The following ZNF564 variants were observed in gnomAD, a reference collection of about 807,000 sequenced individuals.
ZNF564 encodes zinc finger protein 564.
A neutral mutation model predicts 10.5 loss-of-function variants in ZNF564; 5 were observed. The ratio of observed to expected loss-of-function variants is 0.48; its 90% confidence interval spans 0.25 to 1.00. The LOEUF is 1.00. Ranked by LOEUF, ZNF564 falls within the 50% of genes least tolerant of loss-of-function variation. The pLI, the probability that ZNF564 is intolerant of heterozygous loss-of-function variation, is 0.16. For synonymous variants in ZNF564, 242 were observed against 218.1 expected (o/e 1.11, Z -0.97); for missense variants, 603 against 669.7 (o/e 0.90, Z 1.10).
At chr19:12,539,240 CAA>C (rs760536256) in intron 1 of ZNF564, among the ~76,000 whole-genome samples, 17 of 52,080 alleles carry the variant, frequency 3.3e-4, no homozygotes, top group Non-Finnish European at 3.4e-4. Flanking sequence ...GACTCCATCT[CAA>C]AAAAAAAAAA....
At chr19:12,531,964 G>A (rs2021809238) in intron 1 of ZNF564, among the ~76,000 whole-genome samples, 2 of 152,032 alleles carry the variant, frequency 1.3e-5, no homozygotes, top group Admixed American at 6.6e-5. Context: ...AAAAGTAAAG[G>A]GATAGGGAAA....
chr19:12,549,404 C>T (rs1352534516), intron 1 of ZNF564, among the ~76,000 whole-genome samples: 1 of 152,176 alleles, frequency 6.6e-6, no homozygotes, highest in Admixed American at 6.5e-5. Flanking sequence ...TCACTGAGTG[C>T]TCAGTGACCA....
intron 1 of ZNF564, among the ~76,000 whole-genome samples, 176 bp from the exon 2 acceptor site, chr19:12,528,872 C>G (rs755232063): frequency 6.6e-6 from 1 of 152,036 alleles, no homozygotes; most frequent in African/African-American, 2.4e-5. Context: ...GAGGCCAGCC[C>G]GGTCAACATG....
Position 12,551,450 on chromosome 19 carries a change from A to C in ZNF564, c.-118T>G, listed in dbSNP as rs769869131. The C allele has an allele frequency of 1.4e-6, 2 of 1,434,560 alleles. No individual in the cohort carries two copies. The highest frequency in any genetic ancestry group is 1.8e-6 in the Non-Finnish European group (2 of 1,092,966). 88.9% of individuals were successfully genotyped at this position (1,434,560 alleles called of 1,614,324 possible). A position where few individuals can be genotyped will look rare whatever the true frequency, so the allele number is the denominator to read the frequency against. On this transcript the variant is annotated 5_prime_UTR_variant, in exon 1 of 4. Coordinates refer to ENST00000339282, the MANE Select transcript of ZNF564 (RefSeq NM_144976.4). ...GGGCCACTGGAGAAGCGGAGACCGG[A>C]ACCCAAACGCAGCGGACACGAAACA...
rs374657146 is a variant in ZNF564, at chr19:12,528,607, A to C, written c.93T>G (p.Asp31Glu). The C allele has an allele frequency of 8.8e-5, 142 of 1,613,930 alleles. No individual in the cohort carries two copies. The highest frequency in any genetic ancestry group is 1.6e-4 in the Middle Eastern group (1 of 6,062). Residue 31 changes from aspartate (D) to glutamate (E), a missense_variant, in exon 2 of 4, where the codon GAT (aspartate) becomes GAG (glutamate). Physicochemically the swap from Asp to Glu is conservative, Grantham distance 45. Transcript: ENST00000339282. Reference sequence around the variant, plus strand: ...GGTTTCTAAAGGTTTCCCGCATCACATCTCTGTAGAGTTTCTTCTGGGAAG... The same window carrying C: ...GGTTTCTAAAGGTTTCCCGCATCACCTCTCTGTAGAGTTTCTTCTGGGAAG... ...LDPSQKKLYR[D>E]VMRETFRNLA... is the part of the protein sequence containing the mutation.
chr19:12,548,992 A>G lies in ZNF564; in HGVS notation c.3+2338T>C, dbSNP rs922613441. 1.1e-5 allele frequency: 7 copies of G among 650,628 alleles called. No homozygotes were observed. The African/African-American group carries it at 1.1e-4, about 10-fold the overall frequency. The allele number at this position is 650,628 out of a possible 1,614,324, so 40.3% of individuals were successfully genotyped here. On this transcript the variant is annotated intron_variant, in intron 1 of 3. Coordinates refer to ENST00000339282, the MANE Select transcript of ZNF564 (RefSeq NM_144976.4). Reference sequence around the variant, plus strand: ...ATCTGAGATTCTTATCCGCAGTAGCATTCTCAAGGCTAAGTTCTGGGATTG... The same window carrying G: ...ATCTGAGATTCTTATCCGCAGTAGCGTTCTCAAGGCTAAGTTCTGGGATTG...
At chr19:12,540,651 G>A (rs1475629616) in intron 1 of ZNF564, among the ~76,000 whole-genome samples, 2 of 152,018 alleles carry the variant, frequency 1.3e-5, no homozygotes, top group South Asian at 2.1e-4. Flanking sequence ...TCAGGAGATC[G>A]CCACCATCCT....
rs2021668454 is a variant in ZNF564 at position 12,525,719 on chromosome 19, CTTAA to C, written c.*723_*726del. ...AAACAAAATACCATAAATTGGAAAG[CTTAA>C]TTAATCAACAAACATTTATTTCTCA... On this transcript the variant is annotated 3_prime_UTR_variant, in exon 4 of 4. Coordinates refer to ENST00000339282, the MANE Select transcript of ZNF564 (RefSeq NM_144976.4). 1.3e-5 allele frequency: 2 copies of C among 152,282 alleles called. No individual in the cohort carries two copies. The highest frequency in any genetic ancestry group is 2.9e-5 in the Non-Finnish European group (2 of 68,040). 9.4% of individuals were successfully genotyped at this position (152,282 alleles called of 1,614,324 possible).
intron 2 of ZNF564, 28 bp from the exon 3 acceptor site, chr19:12,528,392 T>A (rs1407963815): frequency 1.3e-6 from 2 of 1,595,566 alleles, no homozygotes; most frequent in Non-Finnish European, 1.7e-6. Flanking sequence ...AAAATCCTTA[T>A]GAACTGATAG....
chr19:12,545,077 G>A (rs1044947437), intron 1 of ZNF564, among the ~76,000 whole-genome samples: 1 of 151,940 alleles, frequency 6.6e-6, no homozygotes, highest in African/African-American at 2.4e-5. Flanking sequence ...TGGCCAACAC[G>A]GAGAAACCCC....
In ZNF564 at chr19:12,551,449, GA is replaced by G; in HGVS notation, c.-118del. 2 of 1,434,566 alleles carry G rather than the reference GA, an allele frequency of 1.4e-6. No individual in the cohort carries two copies. The highest frequency in any genetic ancestry group is 9.1e-7 in the Non-Finnish European group (1 of 1,092,954). 88.9% of individuals were successfully genotyped at this position (1,434,566 alleles called of 1,614,324 possible). A position where few individuals can be genotyped will look rare whatever the true frequency, so the allele number is the denominator to read the frequency against. ...GGGGCCACTGGAGAAGCGGAGACCG[GA>G]ACCCAAACGCAGCGGACACGAAACA... On this transcript the variant is annotated 5_prime_UTR_variant, in exon 1 of 4. Coordinates refer to ENST00000339282, the MANE Select transcript of ZNF564 (RefSeq NM_144976.4).
chr19:12,544,037 T>C (rs1030234735), intron 1 of ZNF564, among the ~76,000 whole-genome samples: 3 of 152,154 alleles, frequency 2.0e-5, no homozygotes, highest in African/African-American at 7.2e-5. Context: ...GCACTTGAAC[T>C]TGGACTTCCC....
intron 1 of ZNF564, among the ~76,000 whole-genome samples, chr19:12,543,574 T>C (rs1223871676): frequency 2.0e-5 from 3 of 146,392 alleles, no homozygotes; most frequent in African/African-American, 7.7e-5. Flanking sequence ...CTCGGGAGGC[T>C]GAGGCAGGAG....
intron 1 of ZNF564, among the ~76,000 whole-genome samples, chr19:12,545,452 A>G (rs1279216561): frequency 6.6e-6 from 1 of 152,036 alleles, no homozygotes; most frequent in Non-Finnish European, 1.5e-5. Flanking sequence ...AACACCGACC[A>G]GTTCTAACAG....
intron 1 of ZNF564, among the ~76,000 whole-genome samples, chr19:12,531,506 G>A (rs778909855): frequency 4.6e-5 from 7 of 152,018 alleles, no homozygotes; most frequent in Non-Finnish European, 8.8e-5. Flanking sequence ...GGTGGAAAGT[G>A]CAGTGAGCCG....
At chr19:12,549,971 AAAGAT>A (rs370935162) in intron 1 of ZNF564, among the ~76,000 whole-genome samples, 121 of 152,332 alleles carry the variant, frequency 7.9e-4, no homozygotes, top group African/African-American at 2.7e-3. Context: ...GGGGCTTAGG[AAAGAT>A]AAAAGGAGGG....
intron 1 of ZNF564, among the ~76,000 whole-genome samples, chr19:12,547,811 CT>C (rs553349695): frequency 2.0e-3 from 277 of 139,880 alleles, no homozygotes; most frequent in Admixed American, 2.2e-3. Context: ...TATTCACTTA[CT>C]TTTTTTTTTT....
chr19:12,541,590 GA>G (rs2022050637), intron 1 of ZNF564: 1 of 151,900 alleles, frequency 6.6e-6, no homozygotes, highest in Non-Finnish European at 1.5e-5. Flanking sequence ...ACTACATGGA[GA>G]AATGGCATAG....
chr19:12,535,948 G>C (rs1305113192), intron 1 of ZNF564, among the ~76,000 whole-genome samples: 1 of 150,660 alleles, frequency 6.6e-6, no homozygotes, highest in African/African-American at 2.4e-5. Context: ...GGGAGGTGCA[G>C]GTTGCACTGA....
Sources: gnomAD v4.1 joint callset for allele counts (sites outside exome capture counted in the v4.1 genomes callset) on GRCh38, gnomAD v4.1.1 for gene constraint, MANE v1.5 for transcripts, NCBI Gene and HGNC (gene_info 2026-07-23, HGNC 2026-07-21) for gene names.